The following NALF1 variants were observed in gnomAD, a reference collection of about 807,000 sequenced individuals.
The protein encoded by NALF1 is NALCN channel auxiliary factor 1, also known as family with sequence similarity 155 member A.
NALF1 carries 3 observed loss-of-function variants against 48.4 expected under a neutral mutation model. The ratio of observed to expected loss-of-function variants is 0.06; its 90% CI spans 0.03 to 0.16. NALF1 has a LOEUF of 0.16. Among genes scored for constraint, NALF1 ranks in the 10% least tolerant of loss-of-function variants. The probability of loss-of-function intolerance (pLI) is 1.00; values close to 1 mark genes in which losing one functional copy is unlikely to be tolerated. For missense variants in NALF1, 526 were observed against 571.5 expected, an observed-to-expected ratio of 0.92 and a Z score of 0.81; for synonymous variants, 262 against 245.7, an observed-to-expected ratio of 1.07 and a Z score of -0.62.
At chr13:107,698,010 C>T (rs1881736178) in intron 1 of NALF1, among the ~76,000 whole-genome samples, 1 of 151,990 alleles carries the variant, frequency 6.6e-6, no homozygotes, top group African/African-American at 2.4e-5. Context: ...ATTTTTATAC[C>T]AATGGTAGCA....
intron 1 of NALF1, among the ~76,000 whole-genome samples, chr13:107,710,777 GTGTGTATA>G (rs1875556315): frequency 2.2e-5 from 1 of 46,494 alleles, no homozygotes; most frequent in Non-Finnish European, 5.4e-5. Flanking sequence ...ACACACATAT[GTGTGTATA>G]TACACATATA....
chr13:107,400,797 C>G (rs1883791706), intron 1 of NALF1, among the ~76,000 whole-genome samples: 2 of 152,140 alleles, frequency 1.3e-5, no homozygotes, highest in African/African-American at 4.8e-5. Flanking sequence ...ACTTGTGAAT[C>G]TTGAAGAATA....
Position 107,221,412 on chromosome 13 carries a change from T to C in NALF1, c.916-10657A>G, listed in dbSNP as rs529982178. Among the ~76,000 whole-genome samples, 26 of 152,206 alleles carry C rather than the reference T, an allele frequency of 1.7e-4. No homozygotes were observed. The East Asian group carries it at 5.0e-3, about 29-fold the overall frequency. ...GGCCAACCTGGCAAAACTCTGTCTC[T>C]ACTAAAAAATTACAAAAATTAGCTG... On this transcript the variant is annotated intron_variant, in intron 1 of 2. Transcript: ENST00000375915.
intron 1 of NALF1, among the ~76,000 whole-genome samples, chr13:107,710,485 TG>T (rs1875536051): frequency 6.6e-6 from 1 of 150,472 alleles, no homozygotes; most frequent in South Asian, 2.1e-4. Flanking sequence ...GAGGTTTAAT[TG>T]ACTCACAATT....
intron 1 of NALF1, among the ~76,000 whole-genome samples, chr13:107,561,018 C>T (rs573177253): frequency 7.9e-5 from 12 of 152,272 alleles, no homozygotes; most frequent in African/African-American, 1.7e-4. Context: ...TCATTATACA[C>T]GTGTTCTAAG....
intron 1 of NALF1, among the ~76,000 whole-genome samples, chr13:107,232,303 G>C (rs139872777): frequency 8.0e-4 from 122 of 152,326 alleles, no homozygotes; most frequent in African/African-American, 2.7e-3. Flanking sequence ...GAACCGGTAA[G>C]ACTATCTGAT....
chr13:107,725,600 A>G (rs1832807746), intron 1 of NALF1, among the ~76,000 whole-genome samples: 2 of 151,884 alleles, frequency 1.3e-5, no homozygotes, highest in African/African-American at 2.4e-5. Flanking sequence ...AGTCCCAGCT[A>G]CTTGAACCAG....
chr13:107,404,641 C>T (rs1002132814), intron 1 of NALF1, among the ~76,000 whole-genome samples: 1 of 152,050 alleles, frequency 6.6e-6, no homozygotes, highest in Non-Finnish European at 1.5e-5. Context: ...AGAAGGTCAA[C>T]AAATATTTCA....
At chr13:107,308,198 G>GA (rs1305645021) in intron 1 of NALF1, among the ~76,000 whole-genome samples, 1 of 101,358 alleles carries the variant, frequency 9.9e-6, no homozygotes, top group Non-Finnish European at 2.2e-5. Context: ...TTGTGTCTAT[G>GA]CTTTTTTTTT....
At chr13:107,834,838 T>C (rs761132394) in intron 1 of NALF1, among the ~76,000 whole-genome samples, 1 of 152,184 alleles carries the variant, frequency 6.6e-6, no homozygotes, top group African/African-American at 2.4e-5. Context: ...TAATTTCCTG[T>C]GTAACAAATT....
intron 1 of NALF1, among the ~76,000 whole-genome samples, chr13:107,741,779 C>A: frequency 6.6e-6 from 1 of 152,046 alleles, no homozygotes; most frequent in East Asian, 1.9e-4. Flanking sequence ...CTCATGAGGA[C>A]CTCTGAAGGA....
chr13:107,481,301 A>C (rs1342724822), intron 1 of NALF1, among the ~76,000 whole-genome samples: 1 of 152,176 alleles, frequency 6.6e-6, no homozygotes, highest in African/African-American at 2.4e-5. Context: ...GCCCATCCCT[A>C]AAATGCCGAA....
At chr13:107,736,839 G>A (rs1404515955) in intron 1 of NALF1, among the ~76,000 whole-genome samples, 10 of 152,190 alleles carry the variant, frequency 6.6e-5, no homozygotes, top group Non-Finnish European at 7.3e-5. Context: ...GACAGCAGCA[G>A]CCTCCTTCTC....
intron 1 of NALF1, among the ~76,000 whole-genome samples, chr13:107,357,291 A>T (rs540778995): frequency 6.6e-6 from 1 of 152,210 alleles, no homozygotes; most frequent in African/African-American, 2.4e-5. Flanking sequence ...GCAAAGGGGG[A>T]AGAGTCCCTT....
intron 1 of NALF1, among the ~76,000 whole-genome samples, chr13:107,683,429 G>A (rs1881353571): frequency 6.6e-6 from 1 of 152,192 alleles, no homozygotes; most frequent in African/African-American, 2.4e-5. Flanking sequence ...ATGTAGTCAA[G>A]AGACAGACTT....
At chr13:107,503,919 A>G (rs1406535772) in intron 1 of NALF1, among the ~76,000 whole-genome samples, 2 of 135,362 alleles carry the variant, frequency 1.5e-5, no homozygotes, top group Admixed American at 7.7e-5. Context: ...TCTCACTTAC[A>G]TGTGATTTTT....
At chr13:107,190,639 T>C (rs961223896) in intron 2 of NALF1, among the ~76,000 whole-genome samples, 5 of 152,226 alleles carry the variant, frequency 3.3e-5, no homozygotes, top group African/African-American at 1.2e-4. Flanking sequence ...GCAAATGTAT[T>C]AGAAAATGTT....
chr13:107,805,723 A>G (rs961819604), intron 1 of NALF1, among the ~76,000 whole-genome samples: 2 of 152,198 alleles, frequency 1.3e-5, no homozygotes, highest in African/African-American at 4.8e-5. Context: ...ACAGGAGCAA[A>G]TGTACACAGA....
At chr13:107,757,926 T>C (rs1295869416) in intron 1 of NALF1, among the ~76,000 whole-genome samples, 1 of 152,228 alleles carries the variant, frequency 6.6e-6, no homozygotes, top group Non-Finnish European at 1.5e-5. Flanking sequence ...AATAAGCTTT[T>C]ATTTTGAACA....
Sources: gnomAD v4.1 joint callset for allele counts (sites outside exome capture counted in the v4.1 genomes callset) on GRCh38, gnomAD v4.1.1 for gene constraint, MANE v1.5 for transcripts, NCBI Gene and HGNC (gene_info 2026-07-23, HGNC 2026-07-21) for gene names.